UGT1A6: variants seen among roughly 807,000 people sequenced by gnomAD.
UGT1A6 encodes the protein UDP-glucuronosyltransferase 1A6.
Under a neutral mutation model 44.4 loss-of-function variants are expected in UGT1A6, and 32 were observed. The observed-to-expected ratio is 0.72, with a 90% confidence interval of 0.54 to 0.97. The LOEUF is 0.97. Among genes scored for constraint, UGT1A6 ranks in the 50% least tolerant of loss-of-function variants. The probability of loss-of-function intolerance (pLI) is 0.00; values close to 1 mark genes in which losing one functional copy is unlikely to be tolerated. For synonymous variants in UGT1A6, 238 were observed against 248.5 expected, an observed-to-expected ratio of 0.96 and a Z score of 0.40; for missense variants, 685 against 661.9, an observed-to-expected ratio of 1.03 and a Z score of -0.38.
At position 233,734,360 on chromosome 2, in the gene UGT1A6, C is replaced by T. The variant is rs565800937; in HGVS notation, c.862-32674C>T. Among the ~76,000 whole-genome samples the T allele has an allele frequency of 6.9e-4, 105 of 152,192 alleles. No individual in the cohort carries two copies. In the South Asian group the frequency reaches 0.014, roughly 20 times the overall value. ...ATGGTAGTTTGTATTTCTGTGGGAT[C>T]GGTGGTGATATTGCCTTTACTATTT... is the stretch of plus-strand genomic sequence containing the variant. On this transcript the variant is annotated intron_variant, in intron 1 of 4. Coordinates refer to ENST00000305139, the MANE Select transcript of UGT1A6 (RefSeq NM_001072.4).
intron 1 of UGT1A6, chr2:233,748,009 C>A: frequency 1.2e-6 from 2 of 1,613,492 alleles, no homozygotes; most frequent in Non-Finnish European, 1.7e-6. Flanking sequence ...ATGGATTACC[C>A]CAGGCCGATC....
At chr2:233,736,941 G>A (rs2125804674) in intron 1 of UGT1A6, among the ~76,000 whole-genome samples, 1 of 152,244 alleles carries the variant, frequency 6.6e-6, no homozygotes, top group East Asian at 1.9e-4. Context: ...ACCTATATGA[G>A]GTGTCTGTTG....
intron 1 of UGT1A6, among the ~76,000 whole-genome samples, chr2:233,726,981 T>C (rs2077575489): frequency 6.6e-6 from 1 of 152,240 alleles, no homozygotes; most frequent in African/African-American, 2.4e-5. Context: ...TAGATTTTGA[T>C]GAGGTTCTTT....
At chr2:233,749,888 T>C (rs1316797004) in intron 1 of UGT1A6, among the ~76,000 whole-genome samples, 2 of 151,790 alleles carry the variant, frequency 1.3e-5, no homozygotes. Flanking sequence ...TTCCTGAGGC[T>C]CCCCCCTCCA....
chr2:233,745,923 C>T (rs922725968), intron 1 of UGT1A6, among the ~76,000 whole-genome samples: 1 of 151,246 alleles, frequency 6.6e-6, no homozygotes, highest in Non-Finnish European at 1.5e-5. Flanking sequence ...GGCAGTGATT[C>T]AGAAGGGACA....
At chr2:233,764,199 A>T (rs1193982268) in intron 1 of UGT1A6, among the ~76,000 whole-genome samples, 1 of 152,170 alleles carries the variant, frequency 6.6e-6, no homozygotes, top group Non-Finnish European at 1.5e-5. Flanking sequence ...GGGGCATCTC[A>T]TCTTTTCTTT....
chr2:233,712,856 C>T, intron 1 of UGT1A6: 12 of 1,553,654 alleles, frequency 7.7e-6, no homozygotes, highest in Non-Finnish European at 1.0e-5. Context: ...TAATAAGTAA[C>T]TGGAGGAGGG....
chr2:233,743,543 C>A (rs1253470461), intron 1 of UGT1A6: 2 of 1,367,070 alleles, frequency 1.5e-6, no homozygotes, highest in Admixed American at 3.8e-5. Flanking sequence ...TTCCTCTGAC[C>A]CCCCCAAAAT....
chr2:233,742,455 G>T (rs1191068486), intron 1 of UGT1A6, among the ~76,000 whole-genome samples: 6 of 151,916 alleles, frequency 3.9e-5, no homozygotes, highest in African/African-American at 1.5e-4. Context: ...GGTGTTCCTT[G>T]CCCTTATTCC....
intron 1 of UGT1A6, among the ~76,000 whole-genome samples, chr2:233,724,297 C>T (rs2077212322): frequency 1.4e-5 from 2 of 146,124 alleles, no homozygotes; most frequent in South Asian, 2.4e-4. Context: ...GCTGACCCCC[C>T]CACCTCCCTC....
Position 233,693,106 on chromosome 2 carries a change from G to A in UGT1A6, c.102G>A (p.Gln34=). ...VVGDKLLVVP[Q]DGSHWLSMKD... ...GTGACAAGCTGCTGGTGGTCCCTCA[G>A]GACGGAAGCCACTGGCTTAGTATGA... Residue 34 remains glutamine (Q), a synonymous_variant, in exon 1 of 5, where the codon CAG becomes CAA. Transcript: ENST00000305139. 6.2e-7 allele frequency: 1 copy of A among 1,614,158 alleles called. No homozygotes were observed. Among genetic ancestry groups the A allele is most frequent in the Non-Finnish European group, 8.5e-7 (1 of 1,180,036 alleles).
In UGT1A6 at chr2:233,769,574, T is replaced by C. The variant is rs1345352154; in HGVS notation, c.1301+1135T>C. 4 of 1,612,752 alleles carry C rather than the reference T, an allele frequency of 2.5e-6. No individual in the cohort carries two copies. The highest frequency in any genetic ancestry group is 3.3e-5 in the Admixed American group (2 of 59,992). On this transcript the variant is annotated intron_variant, in intron 4 of 4. Transcript: ENST00000305139. The surrounding 1 kb of genome is among the most constrained non-coding windows in gnomAD (Gnocchi z 4.4). ...AAGACAGATGTGAAGAGCTGGAGCA[T>C]GTTCAGATGAGAGGAGACGGAACAC... is the stretch of plus-strand genomic sequence containing the variant.
chr2:233,725,993 G>C (rs28899191), intron 1 of UGT1A6, among the ~76,000 whole-genome samples: 10,378 of 151,980 alleles, frequency 0.068, 500 homozygotes, highest in East Asian at 0.2. Flanking sequence ...TGCTGAGACT[G>C]CATCTCTACA....
At chr2:233,713,578 G>A (rs573730250) in intron 1 of UGT1A6, 12 of 1,613,932 alleles carry the variant, frequency 7.4e-6, no homozygotes, top group African/African-American at 5.3e-5. Flanking sequence ...TATATTCCTA[G>A]ATTACTAACG....
At chr2:233,707,386 G>A (rs1362330538) in intron 1 of UGT1A6, among the ~76,000 whole-genome samples, 2 of 152,040 alleles carry the variant, frequency 1.3e-5, no homozygotes, top group Non-Finnish European at 2.9e-5. Flanking sequence ...GCATCCATGA[G>A]CTATTCTTTT....
intron 1 of UGT1A6, among the ~76,000 whole-genome samples, chr2:233,716,102 AT>A (rs1251021600): frequency 6.6e-6 from 1 of 152,158 alleles, no homozygotes; most frequent in East Asian, 1.9e-4. Context: ...TTTAACAGAA[AT>A]TTAGTTTTTC....
intron 1 of UGT1A6, among the ~76,000 whole-genome samples, chr2:233,718,336 A>G (rs1383630356): frequency 6.6e-6 from 1 of 152,212 alleles, no homozygotes; most frequent in East Asian, 1.9e-4. Context: ...GCAATGTTGT[A>G]TGTCTTTTGG....
chr2:233,760,801 T>G (rs1365770885), intron 1 of UGT1A6: 2 of 1,613,398 alleles, frequency 1.2e-6, no homozygotes, highest in South Asian at 1.1e-5. Context: ...TGTATTCTTC[T>G]TGCATGCACT....
At chr2:233,767,192 A>G (rs752013731) in intron 2 of UGT1A6, 27 bp downstream of exon 2, 12 of 1,613,678 alleles carry the variant, frequency 7.4e-6, no homozygotes, top group Non-Finnish European at 9.3e-6. Flanking sequence ...CCATGGCCTC[A>G]TATCTATTTT....
Sources: allele counts gnomAD v4.1 joint callset (sites outside exome capture counted in the v4.1 genomes callset), GRCh38; gene constraint gnomAD v4.1.1; non-coding constraint Gnocchi (gnomAD v3.1); transcripts MANE v1.5; gene names NCBI Gene and HGNC (gene_info 2026-07-23, HGNC 2026-07-21).